The following SACS variants were observed in gnomAD, a reference collection of about 807,000 sequenced individuals.
SACS encodes sacsin molecular chaperone.
In SACS, 197 loss-of-function variants were observed where a neutral mutation model predicts 348.0. That is an observed-to-expected ratio of 0.57 (90% CI 0.50 to 0.64). SACS has a LOEUF of 0.64. SACS is among the 30% of genes least tolerant of loss of function. The probability of loss-of-function intolerance (pLI) is 0.00; values close to 1 mark genes in which losing one functional copy is unlikely to be tolerated. For missense variants in SACS, 4,999 were observed against 5,360.8 expected (o/e 0.93, Z 2.11); for synonymous variants, 1,985 against 1,910.6 (o/e 1.04, Z -1.02).
chr13:23,428,587 T>C (rs1256309001), intron 1 of SACS: 1 of 152,070 alleles, frequency 6.6e-6, no homozygotes, highest in Non-Finnish European at 1.5e-5. Context: ...GTACGTAAAA[T>C]AGTTTCTAGA....
Position 23,331,683 on chromosome 13 carries a change from T to A in SACS, c.12193A>T (p.Ile4065Phe), listed in dbSNP as rs199563625. Residue 4065 changes from isoleucine to phenylalanine, a missense_variant, in exon 10 of 10, where the codon ATT (isoleucine) becomes TTT (phenylalanine). By Grantham distance (21) the Ile-to-Phe change is conservative (BLOSUM62 0). This residue lies in a region of SACS where 831 missense variants were observed against 941.8 expected (regional missense o/e 0.88). Coordinates refer to ENST00000382292, the MANE Select transcript of SACS (RefSeq NM_014363.6). The stretch of plus-strand genomic sequence containing the variant: ...AAAGTTTCACTTCTGCTGTGGGGAA[T>A]AGGATTAAAACCTTTAACTCTTAAT... ...TTLRVKGFNPIPHSRSETFAF... is the reference protein window; with the variant it reads ...TTLRVKGFNPFPHSRSETFAF... 1.9e-5 allele frequency: 30 copies of A among 1,613,822 alleles called. No homozygotes were observed. Among genetic ancestry groups the A allele is most frequent in the Non-Finnish European group, 2.2e-5 (26 of 1,179,948 alleles).
Position 23,331,900 on chromosome 13 carries a change from A to C in SACS, c.11976T>G (p.Phe3992Leu). ...TTCCTTGAAGAGAACACAACGCTCCAAACTGACAAACTTTGGGAGTCTCTT... is the reference window on the plus strand; with the variant it reads ...TTCCTTGAAGAGAACACAACGCTCCCAACTGACAAACTTTGGGAGTCTCTT... Reference protein sequence around the residue: ...LDEETPKVCQFGALCSLQGRL... With the variant: ...LDEETPKVCQLGALCSLQGRL... The change falls in exon 10 of 10, where the codon TTT (phenylalanine) becomes TTG (leucine). Residue 3992 changes from phenylalanine (F) to leucine (L), a missense_variant. By Grantham distance (22) the Phe-to-Leu change is conservative. Transcript: ENST00000382292. The C allele has an allele frequency of 6.2e-7, 1 of 1,614,120 alleles. No individual in the cohort carries two copies.
intron 7 of SACS, among the ~76,000 whole-genome samples, 153 bp from the exon 8 acceptor site, chr13:23,356,160 C>A (rs1029641285): frequency 2.0e-5 from 3 of 152,162 alleles, no homozygotes; most frequent in Non-Finnish European, 2.9e-5. Flanking sequence ...AAATGTAATT[C>A]TCTGAACATG....
intron 2 of SACS, among the ~76,000 whole-genome samples, chr13:23,394,776 AC>A (rs1872648784): frequency 6.6e-6 from 1 of 152,152 alleles, no homozygotes; most frequent in African/African-American, 2.4e-5. Context: ...AATCACCTGA[AC>A]CCGGGAGACA....
chr13:23,404,754 G>A (rs949286566), intron 2 of SACS, among the ~76,000 whole-genome samples: 9 of 152,122 alleles, frequency 5.9e-5, no homozygotes, highest in Middle Eastern at 3.4e-3. Context: ...TGAAAAAATC[G>A]CAAGCATTTC....
chr13:23,338,467 C>T lies in SACS; in HGVS notation c.5409G>A (p.Lys1803=). 3 of 1,614,154 alleles carry T rather than the reference C, an allele frequency of 1.9e-6. No individual in the cohort carries two copies. In the South Asian group the frequency reaches 3.3e-5, roughly 18 times the overall value. Residue 1803 remains lysine (K), a synonymous_variant, in exon 10 of 10, where the codon AAG becomes AAA. Coordinates refer to ENST00000382292, the MANE Select transcript of SACS (RefSeq NM_014363.6). ...TTTTCTGTGACAACTCATCTGATGG[C>T]TTTTTTGATTGGCCAGACTTAGCCA... ...FEMAKSGQSK[K]PSDELSQKTV...
In SACS at chr13:23,340,347, G is replaced by A; in HGVS notation, c.3529C>T (p.Leu1177Phe). 6.2e-7 allele frequency: 1 copy of A among 1,613,910 alleles called. No homozygotes were observed. Among genetic ancestry groups the A allele is most frequent in the Non-Finnish European group, 8.5e-7 (1 of 1,179,938 alleles). ...YPGSLVWKGDLCNLCAPPDMC... is the reference protein window; with the variant it reads ...YPGSLVWKGDFCNLCAPPDMC... ...TCTGGTGGTGCACAGAGATTACAGA[G>A]ATCTCCTTTCCAGACCAAAGAGCCT... Residue 1177 changes from leucine to phenylalanine, a missense_variant, in exon 10 of 10, where the codon CTC becomes TTC. Leu to Phe is a conservative substitution (Grantham distance 22). Coordinates refer to ENST00000382292, the MANE Select transcript of SACS (RefSeq NM_014363.6).
chr13:23,375,184 C>T lies in SACS; in HGVS notation c.106G>A (p.Glu36Lys). 6.6e-7 allele frequency: 1 copy of T among 1,506,468 alleles called. No homozygotes were observed. Among genetic ancestry groups the T allele is most frequent in the East Asian group, 2.9e-5 (1 of 34,644 alleles). The allele number at this position is 1,506,468 out of a possible 1,614,324, so 93.3% of individuals were successfully genotyped here. A position where few individuals can be genotyped will look rare whatever the true frequency, so the allele number is the denominator to read the frequency against. Residue 36 changes from glutamate (E) to lysine (K), a missense_variant, in exon 3 of 10, where the codon GAA becomes AAA. Coordinates refer to ENST00000382292, the MANE Select transcript of SACS (RefSeq NM_014363.6). ...LASWTVRDVK[E>K]RIFAETGFPV... Reference sequence around the variant, plus strand: ...AAGCCAGTCTCCGCGAAGATACGTTCCTTCACATCGCGCACGGTCCAGGAC... The same window carrying T: ...AAGCCAGTCTCCGCGAAGATACGTTTCTTCACATCGCGCACGGTCCAGGAC...
intron 6 of SACS, among the ~76,000 whole-genome samples, chr13:23,362,125 T>G (rs1870772725): frequency 6.6e-6 from 1 of 152,224 alleles, no homozygotes; most frequent in South Asian, 2.1e-4. Context: ...GTACATGTTT[T>G]ATGACTGAAA....
At position 23,330,728 on chromosome 13, in the gene SACS, G is replaced by A. The variant is rs1386733274; in HGVS notation, c.13148C>T (p.Ser4383Leu). 1 of 1,613,942 alleles carries A rather than the reference G, an allele frequency of 6.2e-7. No homozygotes were observed. The highest frequency in any genetic ancestry group is 1.7e-5 in the Admixed American group (1 of 60,004). ...DRASRRTFST[S>L]ASRFQSDKYS... is the part of the protein sequence containing the mutation. ...TTTGTCTGACTGAAATCGGGATGCT[G>A]AGGTTGAAAATGTTCGTCTGGAGGC... The change falls in exon 10 of 10, where the codon TCA becomes TTA. Residue 4383 changes from serine to leucine, a missense_variant. Physicochemically the swap from Ser to Leu is moderately radical, Grantham distance 145. Around this residue, in one of 6 missense-constraint regions of SACS, gnomAD observed 254 missense variants for 275.1 expected, o/e 0.92. Transcript: ENST00000382292.
At chr13:23,376,520 T>TTTTTTTTGGGGGGAAGGGAG (rs1871813281) in intron 2 of SACS, among the ~76,000 whole-genome samples, 1 of 152,154 alleles carries the variant, frequency 6.6e-6, no homozygotes, top group Admixed American at 6.5e-5. Flanking sequence ...AAATAGATAA[T>TTTTTTTTGGGGGGAAGGGAG]AAATTGCCAT....
At chr13:23,348,465 T>C (rs1421188604) in intron 9 of SACS, among the ~76,000 whole-genome samples, 27 of 152,230 alleles carry the variant, frequency 1.8e-4, no homozygotes, top group Admixed American at 1.6e-3. Flanking sequence ...CCAGTCAAAC[T>C]TGGCAAGCAG....
chr13:23,330,387 CAG>C lies in SACS; in HGVS notation c.13487_13488del (p.Ser4496Ter). The C allele has an allele frequency of 6.2e-7, 1 of 1,614,180 alleles. No individual in the cohort carries two copies. The highest frequency in any genetic ancestry group is 8.5e-7 in the Non-Finnish European group (1 of 1,180,016). On this transcript the variant is annotated frameshift_variant, in exon 10 of 10. Transcript: ENST00000382292. LOFTEE classifies it high-confidence loss of function. The stretch of plus-strand genomic sequence containing the variant: ...AGTGCAGTTGGTTTTACATCTTTAT[CAG>C]ACTTTCCCCTCACAGCATAGTCAGC... ...IAADYAVRGKSDKDVKPTALA... is the reference protein window; with the variant it reads ...IAADYAVRGKXDKDVKPTALA...
chr13:23,429,670 G>A (rs1375287394), intron 1 of SACS, among the ~76,000 whole-genome samples: 10 of 152,010 alleles, frequency 6.6e-5, no homozygotes, highest in African/African-American at 2.4e-4. Context: ...GCCCGAGGTA[G>A]GGATTTTTAA....
chr13:23,377,906 G>C (rs534827033), intron 2 of SACS, among the ~76,000 whole-genome samples: 2 of 152,338 alleles, frequency 1.3e-5, no homozygotes, highest in East Asian at 1.9e-4. Flanking sequence ...GGATATCCCA[G>C]TGGTCCAGAT....
chr13:23,411,924 A>C (rs1029386325), intron 1 of SACS, among the ~76,000 whole-genome samples, 184 bp from the exon 2 acceptor site: 8 of 152,210 alleles, frequency 5.3e-5, no homozygotes, highest in Non-Finnish European at 7.3e-5. Context: ...CTGGCCTCAC[A>C]AGACAGGCAA....
intron 1 of SACS, among the ~76,000 whole-genome samples, chr13:23,420,788 A>G (rs1873906843): frequency 6.6e-6 from 1 of 151,954 alleles, no homozygotes; most frequent in Non-Finnish European, 1.5e-5. Context: ...GAGCCCAGGT[A>G]TCCACCTGGG....
rs182684114 is a variant in SACS, at chr13:23,336,530, C to T, written c.7346G>A (p.Gly2449Asp). ...ATTAGTATCTGGCAATAATATCTTG[C>T]CATAATTTTTCTCACAAAATTCTTG... is the stretch of plus-strand genomic sequence containing the variant. ...KKQEFCEKNY[G>D]KILLPDTNLM... Residue 2449 changes from glycine (G) to aspartate (D), a missense_variant, in exon 10 of 10, where the codon GGC (glycine) becomes GAC (aspartate). Around this residue, in one of 6 missense-constraint regions of SACS, gnomAD observed 3,156 missense variants for 3,380.1 expected, o/e 0.93. Transcript: ENST00000382292. The T allele has an allele frequency of 3.1e-6, 5 of 1,613,846 alleles. No individual in the cohort carries two copies. In the East Asian group the frequency reaches 8.9e-5, roughly 29 times the overall value.
rs1379522523 is a variant in SACS at position 23,337,997 on chromosome 13, C to A, written c.5879G>T (p.Cys1960Phe). The A allele has an allele frequency of 6.2e-7, 1 of 1,613,870 alleles. No individual in the cohort carries two copies. The highest frequency in any genetic ancestry group is 8.5e-7 in the Non-Finnish European group (1 of 1,179,922). ...DLVHDDFSVI[C>F]QGFYEDIAHG... The stretch of plus-strand genomic sequence containing the variant: ...AGCTATATCTTCATAAAATCCTTGG[C>A]AAATTACAGAAAAATCATCATGAAC... Residue 1960 changes from cysteine to phenylalanine, a missense_variant, in exon 10 of 10, where the codon TGC becomes TTC. Around this residue, in one of 6 missense-constraint regions of SACS, gnomAD observed 3,156 missense variants for 3,380.1 expected, o/e 0.93. Transcript: ENST00000382292.
Sources: allele counts gnomAD v4.1 joint callset (sites outside exome capture counted in the v4.1 genomes callset), GRCh38; gene constraint gnomAD v4.1.1; regional missense constraint gnomAD v4.1.1; transcripts MANE v1.5; gene names NCBI Gene and HGNC (gene_info 2026-07-23, HGNC 2026-07-21).